The following MTHFD2 variants were observed in gnomAD, a reference collection of about 807,000 sequenced individuals.
MTHFD2 encodes bifunctional methylenetetrahydrofolate dehydrogenase/cyclohydrolase, mitochondrial.
A neutral mutation model predicts 36.8 loss-of-function variants in MTHFD2; 26 were observed. The observed-to-expected ratio is 0.71, with a 90% confidence interval of 0.52 to 0.98. The LOEUF is 0.98. MTHFD2 is among the 50% of genes least tolerant of loss of function. MTHFD2 has a pLI of 0.00. For missense variants in MTHFD2, 373 were observed against 434.0 expected (o/e 0.86, Z 1.25); for synonymous variants, 164 against 155.2 (o/e 1.06, Z -0.42).
chr2:74,199,707 C>CAAA (rs34436782), intron 1 of MTHFD2, among the ~76,000 whole-genome samples: 3 of 103,612 alleles, frequency 2.9e-5, no homozygotes, highest in Non-Finnish European at 4.0e-5. Flanking sequence ...GACCCTGTCT[C>CAAA]AAAAAAAAAA....
chr2:74,205,826 G>C lies in MTHFD2; in HGVS notation c.223G>C (p.Val75Leu), dbSNP rs1694164015. The change falls in exon 2 of 8, where the codon GTT becomes CTT. Residue 75 changes from valine (V) to leucine (L), a missense_variant. Val to Leu is a conservative substitution (Grantham distance 32, BLOSUM62 1). Coordinates refer to ENST00000394053, the MANE Select transcript of MTHFD2 (RefSeq NM_006636.4). ...ACGGCCACACCTGAGTGTGATCCTG[G>C]TTGGCGAGAATCCTGCAAGTCACTC... ...NKRPHLSVIL[V>L]GENPASHSYV... The C allele has an allele frequency of 1.2e-6, 2 of 1,613,762 alleles. No individual in the cohort carries two copies. The highest frequency in any genetic ancestry group is 2.7e-5 in the African/African-American group (2 of 74,850).
chr2:74,203,906 GTTAGTTTAGT>G lies in MTHFD2; in HGVS notation c.102-1786_102-1777del, dbSNP rs1553448380. Reference sequence around the variant, plus strand: ...GTTTAGTTTAGTTTAGTTTAGTTTAGTTAGTTTAGTTTAGTTTAGTTTTTTGAGATGCAGT... The same window carrying G: ...GTTTAGTTTAGTTTAGTTTAGTTTAGTTAGTTTAGTTTTTTGAGATGCAGT... On this transcript the variant is annotated intron_variant, in intron 1 of 7. Transcript: ENST00000394053. 1.0e-4 allele frequency among the ~76,000 whole-genome samples: 3 copies of G among 29,538 alleles called. No individual in the cohort carries two copies. The East Asian group carries it at 2.6e-3, about 26-fold the overall frequency. The allele number at this position is 29,538 out of a possible 152,430, so 19.4% of individuals were successfully genotyped here.
At chr2:74,208,921 T>C (rs1309294069) in intron 4 of MTHFD2, among the ~76,000 whole-genome samples, 200 bp downstream of exon 4, 4 of 152,158 alleles carry the variant, frequency 2.6e-5, no homozygotes, top group African/African-American at 9.7e-5. Flanking sequence ...TCACCCAGGC[T>C]GGAGTGCAGT....
chr2:74,212,077 G>C (rs1217072519), intron 7 of MTHFD2, among the ~76,000 whole-genome samples: 1 of 145,820 alleles, frequency 6.9e-6, no homozygotes, highest in African/African-American at 2.6e-5. Context: ...AGCCTCCCGA[G>C]TAGCTGGGAC....
At chr2:74,204,862 G>T (rs1694142197) in intron 1 of MTHFD2, among the ~76,000 whole-genome samples, 1 of 152,210 alleles carries the variant, frequency 6.6e-6, no homozygotes. Context: ...GTCTAGCTCT[G>T]TCACCGAGGC....
chr2:74,214,223 T>G lies in MTHFD2; in HGVS notation c.1034T>G (p.Leu345Arg). The G allele has an allele frequency of 6.2e-7, 1 of 1,613,942 alleles. No individual in the cohort carries two copies. Among genetic ancestry groups the G allele is most frequent in the Non-Finnish European group, 8.5e-7 (1 of 1,179,888 alleles). The change falls in exon 8 of 8, where the codon CTT becomes CGT. Residue 345 changes from leucine (L) to arginine (R), a missense_variant. Transcript: ENST00000394053. ...CGAGAAGTGCTGAAGTCTAAAGAGC[T>G]TGGGGTAGCCACTAATTAACTACTG... ...EEREVLKSKE[L>R]GVATN is the part of the protein sequence containing the mutation.
chr2:74,209,033 C>A (rs1694245910), intron 4 of MTHFD2, among the ~76,000 whole-genome samples: 1 of 151,544 alleles, frequency 6.6e-6, no homozygotes, highest in Non-Finnish European at 1.5e-5. Flanking sequence ...GCCACCATGC[C>A]CAGCTAATTT....
rs202230763 is a variant in MTHFD2, at chr2:74,202,342, T to C, written c.102-3363T>C. ...CCTGGCACATTATATATGTTTGTTA[T>C]TTCATTCAACATAAATGACTGTTCT... On this transcript the variant is annotated intron_variant, in intron 1 of 7. Transcript: ENST00000394053. Among the ~76,000 whole-genome samples, 14 of 152,278 alleles carry C rather than the reference T, an allele frequency of 9.2e-5. No individual in the cohort carries two copies. The East Asian group carries it at 2.3e-3, about 25-fold the overall frequency.
chr2:74,209,410 C>CT (rs1013172193), intron 4 of MTHFD2, among the ~76,000 whole-genome samples: 25 of 147,680 alleles, frequency 1.7e-4, no homozygotes, highest in African/African-American at 2.5e-4. Context: ...GCCTGGCTAA[C>CT]TTTTTTTTTT....
intron 1 of MTHFD2, among the ~76,000 whole-genome samples, chr2:74,200,774 C>T (rs1694024535): frequency 6.6e-6 from 1 of 152,120 alleles, no homozygotes. Flanking sequence ...GTAAGCAAAA[C>T]ACCTAGTGTT....
In MTHFD2 at chr2:74,217,422, A is replaced by C. The variant is rs1467881286; in HGVS notation, c.*3180A>C. On this transcript the variant is annotated 3_prime_UTR_variant, in exon 8 of 8. Coordinates refer to ENST00000394053, the MANE Select transcript of MTHFD2 (RefSeq NM_006636.4). ...GTTTTTATCTTCCCAAATAGTTTTC[A>C]ATCATTCCTTTAAAGTACTAGGTTG... 2.0e-5 allele frequency: 3 copies of C among 152,210 alleles called. No individual in the cohort carries two copies. Among genetic ancestry groups the C allele is most frequent in the African/African-American group, 7.2e-5 (3 of 41,448 alleles). 9.4% of individuals were successfully genotyped at this position (152,210 alleles called of 1,614,324 possible).
chr2:74,205,074 C>T (rs376430821), intron 1 of MTHFD2, among the ~76,000 whole-genome samples: 1 of 152,178 alleles, frequency 6.6e-6, no homozygotes, highest in African/African-American at 2.4e-5. Flanking sequence ...CTGCCCTCCT[C>T]GGCCTCCCAA....
In MTHFD2 at chr2:74,214,331, C is replaced by G. The variant is rs1694382434; in HGVS notation, c.*89C>G. The G allele has an allele frequency of 1.4e-6, 2 of 1,430,178 alleles. No homozygotes were observed. Among genetic ancestry groups the G allele is most frequent in the Non-Finnish European group, 1.9e-6 (2 of 1,052,060 alleles). The allele number at this position is 1,430,178 out of a possible 1,614,324, so 88.6% of individuals were successfully genotyped here. ...AGAAATGCAATATTTTTAATTTATT[C>G]TACTGAAATGGTTTAAAATGATGCC... On this transcript the variant is annotated 3_prime_UTR_variant, in exon 8 of 8. Coordinates refer to ENST00000394053, the MANE Select transcript of MTHFD2 (RefSeq NM_006636.4).
intron 2 of MTHFD2, 66 bp from the exon 3 acceptor site, chr2:74,207,638 A>G: frequency 6.9e-7 from 1 of 1,449,804 alleles, no homozygotes; most frequent in Admixed American, 1.9e-5. Context: ...CAAGTATGGT[A>G]GGCAACATAG....
intron 2 of MTHFD2, 57 bp from the exon 3 acceptor site, chr2:74,207,647 A>G (rs1400231013): frequency 1.1e-5 from 16 of 1,520,152 alleles, no homozygotes; most frequent in East Asian, 2.3e-5. Flanking sequence ...TAGGCAACAT[A>G]GCAGTGCTCA....
rs1694440543 is a variant in MTHFD2, at chr2:74,216,206, T to C, written c.*1964T>C. On this transcript the variant is annotated 3_prime_UTR_variant, in exon 8 of 8. Transcript: ENST00000394053. ...ACGTATAGCTTATGTCTCTAATCCATGCCTGCTTACCTAGATTATTAAATG... is the reference window on the plus strand; with the variant it reads ...ACGTATAGCTTATGTCTCTAATCCACGCCTGCTTACCTAGATTATTAAATG... 6.6e-6 allele frequency: 1 copy of C among 152,136 alleles called. No individual in the cohort carries two copies. Among genetic ancestry groups the C allele is most frequent in the Non-Finnish European group, 1.5e-5 (1 of 68,026 alleles). The allele number at this position is 152,136 out of a possible 1,614,324, so 9.4% of individuals were successfully genotyped here.
In MTHFD2 at chr2:74,217,444, G is replaced by A. The variant is rs1250323943; in HGVS notation, c.*3202G>A. ...TTCAATCATTCCTTTAAAGTACTAGGTTGATTAATATTGCAAAGTTGTAAT... is the reference window on the plus strand; with the variant it reads ...TTCAATCATTCCTTTAAAGTACTAGATTGATTAATATTGCAAAGTTGTAAT... On this transcript the variant is annotated 3_prime_UTR_variant, in exon 8 of 8. Coordinates refer to ENST00000394053, the MANE Select transcript of MTHFD2 (RefSeq NM_006636.4). The A allele has an allele frequency of 6.6e-6, 1 of 152,138 alleles. No individual in the cohort carries two copies. The highest frequency in any genetic ancestry group is 1.5e-5 in the Non-Finnish European group (1 of 68,032). The allele number at this position is 152,138 out of a possible 1,614,324, so 9.4% of individuals were successfully genotyped here. A position where few individuals can be genotyped will look rare whatever the true frequency, so the allele number is the denominator to read the frequency against.
At chr2:74,211,505 C>A in intron 6 of MTHFD2, 1 of 474,554 alleles carries the variant, frequency 2.1e-6, no homozygotes, top group South Asian at 5.4e-5. Flanking sequence ...CCTAAAGCTT[C>A]AAAATATTTA....
chr2:74,206,082 GA>G (rs756857312), intron 2 of MTHFD2, 193 bp downstream of exon 2: 3 of 502,480 alleles, frequency 6.0e-6, no homozygotes, highest in Non-Finnish European at 1.1e-5. Context: ...TAGGACAGGA[GA>G]TACTGGTTGG....
Sources: allele counts gnomAD v4.1 joint callset (sites outside exome capture counted in the v4.1 genomes callset), GRCh38; gene constraint gnomAD v4.1.1; transcripts MANE v1.5; gene names NCBI Gene and HGNC (gene_info 2026-07-23, HGNC 2026-07-21).